NUDT9: variants seen among roughly 807,000 people sequenced by gnomAD.
The protein encoded by NUDT9 is nudix hydrolase 9.
Under a neutral mutation model 41.0 loss-of-function variants are expected in NUDT9, and 31 were observed. That is an observed-to-expected ratio of 0.76 (90% CI 0.57 to 1.02). NUDT9 has a LOEUF of 1.02. Among genes scored for constraint, NUDT9 ranks in the 50% least tolerant of loss-of-function variants. NUDT9 has a pLI of 0.00. For missense variants in NUDT9, 380 were observed against 431.4 expected (o/e 0.88, Z 1.06); for synonymous variants, 146 against 147.6 (o/e 0.99, Z 0.08).
intron 6 of NUDT9, among the ~76,000 whole-genome samples, chr4:87,453,389 C>T (rs1722840514): frequency 6.6e-6 from 1 of 152,026 alleles, no homozygotes; most frequent in Admixed American, 6.6e-5. Flanking sequence ...TTTGACTGTT[C>T]TCAGATTCTG....
intron 1 of NUDT9, among the ~76,000 whole-genome samples, chr4:87,427,060 C>T (rs1233191256): frequency 6.9e-6 from 1 of 145,554 alleles, no homozygotes; most frequent in Non-Finnish European, 1.5e-5. Flanking sequence ...GTCGAGATTG[C>T]AGTGAGCCAT....
chr4:87,433,511 G>T (rs1308182182), intron 1 of NUDT9, among the ~76,000 whole-genome samples: 1 of 152,196 alleles, frequency 6.6e-6, no homozygotes, highest in African/African-American at 2.4e-5. Context: ...GGCACATGCT[G>T]TTGACTTAGT....
chr4:87,426,230 T>A (rs1019751783), intron 1 of NUDT9, among the ~76,000 whole-genome samples: 1 of 151,854 alleles, frequency 6.6e-6, no homozygotes, highest in African/African-American at 2.4e-5. Context: ...TGTAGAATAT[T>A]GTTTTATTCC....
intron 3 of NUDT9, among the ~76,000 whole-genome samples, chr4:87,439,710 A>T (rs964238165): frequency 6.6e-6 from 1 of 152,096 alleles, no homozygotes; most frequent in African/African-American, 2.4e-5. Context: ...ACTCACTATC[A>T]TGAGAACAGC....
At chr4:87,444,534 G>A (rs1341634542) in intron 4 of NUDT9, among the ~76,000 whole-genome samples, 2 of 152,112 alleles carry the variant, frequency 1.3e-5, no homozygotes, top group Non-Finnish European at 2.9e-5. Flanking sequence ...GAGATGGAAA[G>A]AGTTAATAAA....
intron 6 of NUDT9, 52 bp from the exon 7 acceptor site, chr4:87,454,319 T>G: frequency 3.2e-6 from 3 of 945,960 alleles, no homozygotes; most frequent in Non-Finnish European, 5.2e-6. Flanking sequence ...CATGCTCTGC[T>G]GTACTCACTA....
At chr4:87,433,169 T>C (rs1048999745) in intron 1 of NUDT9, among the ~76,000 whole-genome samples, 3 of 152,130 alleles carry the variant, frequency 2.0e-5, no homozygotes, top group African/African-American at 7.2e-5. Flanking sequence ...TTTAAAAAAA[T>C]TCACCTTTTA....
At chr4:87,439,732 G>A (rs544083130) in intron 3 of NUDT9, among the ~76,000 whole-genome samples, 8 of 151,994 alleles carry the variant, frequency 5.3e-5, no homozygotes, top group East Asian at 1.9e-4. Context: ...TGGAGAAACC[G>A]TCCCCCATGA....
chr4:87,430,025 T>G (rs1721610859), intron 1 of NUDT9, among the ~76,000 whole-genome samples: 1 of 152,024 alleles, frequency 6.6e-6, no homozygotes, highest in Admixed American at 6.6e-5. Context: ...GTGGTTAAGG[T>G]TAAGGACTTT....
At chr4:87,450,534 A>C (rs1249418029) in intron 5 of NUDT9, among the ~76,000 whole-genome samples, 1 of 151,500 alleles carries the variant, frequency 6.6e-6, no homozygotes, top group Non-Finnish European at 1.5e-5. Context: ...GACCACCACC[A>C]CACCTAGCTA....
At position 87,439,664 on chromosome 4, in the gene NUDT9, AAAC is replaced by A. The variant is rs531443833; in HGVS notation, c.443+1298_443+1300del. 7.1e-3 allele frequency among the ~76,000 whole-genome samples: 1,079 copies of A among 152,174 alleles called. 8 individuals carry two copies. Among genetic ancestry groups the A allele is most frequent in the African/African-American group, 0.024 (1,010 of 41,506 alleles). Reference sequence around the variant, plus strand: ...GAGTGAGACTCCATCTCAAAAAAACAAACAACAAAAAAACCATCAGCTCTCATG... The same window carrying A: ...GAGTGAGACTCCATCTCAAAAAAACAAACAAAAAAACCATCAGCTCTCATG... On this transcript the variant is annotated intron_variant, in intron 3 of 7. Coordinates refer to ENST00000302174, the MANE Select transcript of NUDT9 (RefSeq NM_024047.5).
chr4:87,445,853 C>T (rs185706780), intron 4 of NUDT9, among the ~76,000 whole-genome samples: 86 of 152,106 alleles, frequency 5.7e-4, no homozygotes, highest in African/African-American at 1.8e-3. Context: ...ATACATTTGT[C>T]CTTCAGAATA....
intron 4 of NUDT9, among the ~76,000 whole-genome samples, chr4:87,444,187 C>T (rs755327289): frequency 9.9e-5 from 15 of 152,002 alleles, no homozygotes; most frequent in Non-Finnish European, 1.5e-4. Context: ...TGCAAATATC[C>T]TCATATTGTT....
chr4:87,425,674 G>GTGT (rs1442446657), intron 1 of NUDT9, among the ~76,000 whole-genome samples: 2 of 145,140 alleles, frequency 1.4e-5, no homozygotes, highest in African/African-American at 5.1e-5. Context: ...GTGAATACAG[G>GTGT]TGTGAGCCCC....
rs777748951 is a variant in NUDT9 at position 87,457,864 on chromosome 4, T to C, written c.896T>C (p.Met299Thr). 9.3e-6 allele frequency: 15 copies of C among 1,611,408 alleles called. No individual in the cohort carries two copies. The highest frequency in any genetic ancestry group is 6.6e-5 in the South Asian group (6 of 90,734). The change falls in exon 8 of 8, where the codon ATG (methionine) becomes ACG (threonine). Residue 299 changes from methionine (M) to threonine (T), a missense_variant. Physicochemically the swap from Met to Thr is moderately conservative, Grantham distance 81. Coordinates refer to ENST00000302174, the MANE Select transcript of NUDT9 (RefSeq NM_024047.5). ...DETGEIMDNL[M>T]LEAGDDAGKV... ...CCAGGTGAGATAATGGATAATCTTA[T>C]GCTAGAAGCTGGAGATGATGCTGGA... is the stretch of plus-strand genomic sequence containing the variant.
intron 2 of NUDT9, among the ~76,000 whole-genome samples, chr4:87,435,966 C>CAGCGAGTTTCA (rs1393320807): frequency 2.6e-5 from 4 of 152,126 alleles, no homozygotes; most frequent in Non-Finnish European, 5.9e-5. Context: ...GATCCACTCT[C>CAGCGAGTTTCA]AGCGAGTTTC....
intron 1 of NUDT9, among the ~76,000 whole-genome samples, chr4:87,428,905 C>G (rs71607433): frequency 6.6e-6 from 1 of 152,086 alleles, no homozygotes; most frequent in Non-Finnish European, 1.5e-5. Flanking sequence ...GCTTCATCAC[C>G]CAAAGTCCTG....
chr4:87,437,213 G>T (rs1288124588), intron 2 of NUDT9, among the ~76,000 whole-genome samples: 1 of 123,530 alleles, frequency 8.1e-6, no homozygotes, highest in African/African-American at 3.1e-5. Flanking sequence ...TAATGCTACA[G>T]CATTCCAGCC....
At chr4:87,439,067 T>C (rs901196096) in intron 3 of NUDT9, among the ~76,000 whole-genome samples, 2 of 151,424 alleles carry the variant, frequency 1.3e-5, no homozygotes, top group African/African-American at 4.9e-5. Flanking sequence ...CTCGGGAGGC[T>C]GAGGGAGGAG....
Sources: gnomAD v4.1 joint callset for allele counts (sites outside exome capture counted in the v4.1 genomes callset) on GRCh38, gnomAD v4.1.1 for gene constraint, MANE v1.5 for transcripts, NCBI Gene and HGNC (gene_info 2026-07-23, HGNC 2026-07-21) for gene names.